The following SLC25A26 variants were observed in gnomAD, a reference collection of about 807,000 sequenced individuals.
The protein encoded by SLC25A26 is mitochondrial S-adenosylmethionine carrier protein.
Under a neutral mutation model 37.8 loss-of-function variants are expected in SLC25A26, and 36 were observed. That is an observed-to-expected ratio of 0.95 (90% CI 0.73 to 1.26). The LOEUF is 1.26. Among genes scored for constraint, SLC25A26 ranks in the 50% most tolerant of loss-of-function variants. The pLI is 0.00. For synonymous variants in SLC25A26, 129 were observed against 122.5 expected, an observed-to-expected ratio of 1.05 and a Z score of -0.35; for missense variants, 390 against 331.1, an observed-to-expected ratio of 1.18 and a Z score of -1.38.
intron 3 of SLC25A26, among the ~76,000 whole-genome samples, chr3:66,251,628 G>A (rs962297541): frequency 6.6e-6 from 1 of 152,272 alleles, no homozygotes; most frequent in Admixed American, 6.5e-5. Context: ...CCCTGGCTTG[G>A]CATTATCTGT....
At chr3:66,171,399 T>A (rs573774498) in intron 1 of SLC25A26, among the ~76,000 whole-genome samples, 1 of 152,298 alleles carries the variant, frequency 6.6e-6, no homozygotes, top group African/African-American at 2.4e-5. Context: ...AGTTATTTGG[T>A]CTCTTCAACA....
At chr3:66,172,106 A>G (rs2070508064) in intron 1 of SLC25A26, among the ~76,000 whole-genome samples, 1 of 152,060 alleles carries the variant, frequency 6.6e-6, no homozygotes, top group African/African-American at 2.4e-5. Flanking sequence ...AACTCAATCA[A>G]ATTGGATTAA....
chr3:66,202,189 G>T (rs1426020197), intron 1 of SLC25A26, among the ~76,000 whole-genome samples: 3 of 152,102 alleles, frequency 2.0e-5, no homozygotes, highest in Non-Finnish European at 2.9e-5. Context: ...CTATAAAAAA[G>T]AATGAATTCA....
chr3:66,283,979 C>T (rs2074427797), intron 5 of SLC25A26, among the ~76,000 whole-genome samples: 1 of 152,010 alleles, frequency 6.6e-6, no homozygotes, highest in Non-Finnish European at 1.5e-5. Context: ...TTTCTGATGC[C>T]ACTGAAATGT....
At chr3:66,155,911 T>C (rs897559895) in intron 1 of SLC25A26, among the ~76,000 whole-genome samples, 1 of 152,140 alleles carries the variant, frequency 6.6e-6, no homozygotes, top group Non-Finnish European at 1.5e-5. Context: ...ACCACTCCAC[T>C]CTCTCATTTT....
intron 5 of SLC25A26, among the ~76,000 whole-genome samples, chr3:66,324,956 A>G (rs2075798794): frequency 6.6e-6 from 1 of 152,220 alleles, no homozygotes; most frequent in African/African-American, 2.4e-5. Context: ...TGGTGTATAT[A>G]TGTACCCAGG....
chr3:66,271,177 A>C (rs2073945807), intron 5 of SLC25A26, among the ~76,000 whole-genome samples: 1 of 152,188 alleles, frequency 6.6e-6, no homozygotes, highest in African/African-American at 2.4e-5. Flanking sequence ...TTTTCATCCC[A>C]TGTGAAATGT....
chr3:66,286,275 A>C (rs541666878), intron 5 of SLC25A26, among the ~76,000 whole-genome samples: 1 of 152,174 alleles, frequency 6.6e-6, no homozygotes, highest in East Asian at 1.9e-4. Context: ...GCCTAACTCT[A>C]AGTCATTAAG....
intron 5 of SLC25A26, among the ~76,000 whole-genome samples, chr3:66,284,418 C>A (rs2074441549): frequency 1.3e-5 from 2 of 152,268 alleles, no homozygotes; most frequent in Admixed American, 6.5e-5. Context: ...AAAATAGTTT[C>A]ATATGATACA....
chr3:66,305,497 T>C (rs1212142588), intron 5 of SLC25A26, among the ~76,000 whole-genome samples: 2 of 152,230 alleles, frequency 1.3e-5, no homozygotes, highest in Admixed American at 1.3e-4. Flanking sequence ...ATGTAGGATA[T>C]GCAGCTTTGT....
At chr3:66,150,484 C>A (rs997212564) in intron 1 of SLC25A26, among the ~76,000 whole-genome samples, 3 of 126,824 alleles carry the variant, frequency 2.4e-5, no homozygotes, top group Admixed American at 8.2e-5. Flanking sequence ...GGCAACAGAG[C>A]AAGACTCTAT....
intron 5 of SLC25A26, among the ~76,000 whole-genome samples, chr3:66,291,854 T>G (rs976015391): frequency 2.6e-5 from 4 of 152,220 alleles, no homozygotes; most frequent in African/African-American, 9.6e-5. Flanking sequence ...CTGAATATCC[T>G]TGTTAATTTT....
intron 6 of SLC25A26, among the ~76,000 whole-genome samples, chr3:66,349,018 A>G (rs886081801): frequency 3.6e-4 from 55 of 152,292 alleles, no homozygotes; most frequent in African/African-American, 1.3e-3. Flanking sequence ...GTTTCTGCAC[A>G]CTCTAACATC....
At chr3:66,345,035 G>C (rs935230279) in intron 5 of SLC25A26, among the ~76,000 whole-genome samples, 1 of 152,170 alleles carries the variant, frequency 6.6e-6, no homozygotes, top group Non-Finnish European at 1.5e-5. Context: ...AGCTTACAAA[G>C]TGCATATTTG....
intron 5 of SLC25A26, among the ~76,000 whole-genome samples, chr3:66,334,636 G>A (rs2076054006): frequency 6.6e-6 from 1 of 152,100 alleles, no homozygotes; most frequent in Non-Finnish European, 1.5e-5. Flanking sequence ...GCTTTAGGAG[G>A]TGTAGCAGGT....
intron 5 of SLC25A26, among the ~76,000 whole-genome samples, chr3:66,322,872 G>A (rs745912055): frequency 5.1e-4 from 78 of 152,132 alleles, no homozygotes; most frequent in Non-Finnish European, 1.0e-3. Context: ...GTTTTTAATA[G>A]TATATTTATA....
intron 5 of SLC25A26, among the ~76,000 whole-genome samples, chr3:66,288,149 A>G (rs1374738570): frequency 1.3e-5 from 2 of 152,158 alleles, no homozygotes; most frequent in African/African-American, 4.8e-5. Flanking sequence ...TAGTAGTTGA[A>G]CACTCAGTAA....
chr3:66,238,238 C>G (rs1476797611), intron 2 of SLC25A26, among the ~76,000 whole-genome samples: 2 of 150,524 alleles, frequency 1.3e-5, no homozygotes, highest in East Asian at 3.9e-4. Context: ...CCTGTGCAGT[C>G]AAAAATCAGA....
intron 1 of SLC25A26, among the ~76,000 whole-genome samples, chr3:66,229,589 C>A (rs149935585): frequency 1.1e-3 from 160 of 152,334 alleles, no homozygotes; most frequent in African/African-American, 3.7e-3. Context: ...TGCCCTCTGG[C>A]ATGATTGTAA....
Sources: gnomAD v4.1 joint callset for allele counts (sites outside exome capture counted in the v4.1 genomes callset) on GRCh38, gnomAD v4.1.1 for gene constraint, MANE v1.5 for transcripts, NCBI Gene and HGNC (gene_info 2026-07-23, HGNC 2026-07-21) for gene names.